PLOD1: variants seen among roughly 807,000 people sequenced by gnomAD.
PLOD1 encodes the protein lysine hydroxylase.
Under a neutral mutation model 94.7 loss-of-function variants are expected in PLOD1, and 70 were observed. That is an observed-to-expected ratio of 0.74 (90% CI 0.61 to 0.90). The LOEUF is 0.90. Ranked by LOEUF, PLOD1 falls within the 40% of genes least tolerant of loss-of-function variation. PLOD1 has a pLI of 0.00. For synonymous variants in PLOD1, 417 were observed against 400.2 expected, an observed-to-expected ratio of 1.04 and a Z score of -0.50; for missense variants, 905 against 972.7, an observed-to-expected ratio of 0.93 and a Z score of 0.93.
intron 5 of PLOD1, among the ~76,000 whole-genome samples, chr1:11,953,148 C>T (rs1300258029): frequency 6.6e-6 from 1 of 152,020 alleles, no homozygotes; most frequent in African/African-American, 2.4e-5. Flanking sequence ...CTCTACCTCC[C>T]TGGTTCAAGC....
chr1:11,953,804 C>T (rs540881897), intron 5 of PLOD1, among the ~76,000 whole-genome samples: 11 of 151,580 alleles, frequency 7.3e-5, no homozygotes, highest in African/African-American at 2.7e-4. Context: ...AAAAAAAAAG[C>T]AATAATGATA....
At position 11,958,052 on chromosome 1, in the gene PLOD1, A is replaced by AG; in HGVS notation, c.843+113dup. 1 of 808,018 alleles carries AG rather than the reference A, an allele frequency of 1.2e-6. No homozygotes were observed. Among genetic ancestry groups the AG allele is most frequent in the Admixed American group, 1.9e-5 (1 of 51,744 alleles). 50.1% of individuals were successfully genotyped at this position (808,018 alleles called of 1,614,324 possible). On this transcript the variant is annotated intron_variant, in intron 8 of 18. Coordinates refer to ENST00000196061, the MANE Select transcript of PLOD1 (RefSeq NM_000302.4). This position sits in a 1 kb window ranked among gnomAD's most constrained non-coding sequence, Gnocchi z 4.3. ...CTCCATTGTCTTTGGTGGAAAGTGA[A>AG]GGGGTCACCTCCCTGCCTGGGGTTC... is the stretch of plus-strand genomic sequence containing the variant.
intron 1 of PLOD1, among the ~76,000 whole-genome samples, chr1:11,935,147 C>G (rs183514342): frequency 4.5e-4 from 69 of 152,354 alleles, no homozygotes; most frequent in Admixed American, 1.7e-3. Flanking sequence ...GCCCAGTGCT[C>G]ACTATGGGCC....
At position 11,957,015 on chromosome 1, in the gene PLOD1, G is replaced by T; in HGVS notation, c.741+1G>T. 1.2e-6 allele frequency: 2 copies of T among 1,603,228 alleles called. No individual in the cohort carries two copies. Among genetic ancestry groups the T allele is most frequent in the Non-Finnish European group, 8.5e-7 (1 of 1,170,166 alleles). On this transcript the variant is annotated splice_donor_variant, in intron 7 of 18. Transcript: ENST00000196061. LOFTEE classifies it high-confidence loss of function. The surrounding 1 kb of genome is among the most constrained non-coding windows in gnomAD (Gnocchi z 4.1). The stretch of plus-strand genomic sequence containing the variant: ...GATCCATGGCAACGGGCCAACCAAG[G>T]TAGGGGGTCCCCAGCCCCTGGGGAG...
chr1:11,964,326 GT>G, intron 12 of PLOD1, 26 bp downstream of exon 12: 7 of 1,530,722 alleles, frequency 4.6e-6, no homozygotes, highest in Admixed American at 1.8e-5. Context: ...GTGGGGGTGG[GT>G]GGGGGACACC....
At chr1:11,968,835 C>T (rs1645840743) in intron 16 of PLOD1, among the ~76,000 whole-genome samples, 2 of 139,732 alleles carry the variant, frequency 1.4e-5, no homozygotes, top group Non-Finnish European at 3.1e-5. Context: ...TCATTTTCTA[C>T]GTCCTTTTTT....
chr1:11,941,401 G>T (rs1645614251), intron 1 of PLOD1, among the ~76,000 whole-genome samples: 1 of 151,560 alleles, frequency 6.6e-6, no homozygotes, highest in African/African-American at 2.4e-5. Flanking sequence ...GCACAATCTT[G>T]GCTCACTGCA....
intron 14 of PLOD1, 70 bp from the exon 15 acceptor site, chr1:11,966,181 G>A (rs1423201123): frequency 8.9e-7 from 1 of 1,124,978 alleles, no homozygotes; most frequent in Non-Finnish European, 1.3e-6. Context: ...CACTTTGAGG[G>A]GTCTGCTCTG....
chr1:11,936,385 A>G (rs774440616), intron 1 of PLOD1, among the ~76,000 whole-genome samples: 1 of 151,048 alleles, frequency 6.6e-6, no homozygotes, highest in Admixed American at 6.6e-5. Flanking sequence ...AGTCCCAGCA[A>G]AGCCAAGCAG....
Position 11,975,236 on chromosome 1 carries a change from C to T in PLOD1, c.*428C>T, listed in dbSNP as rs1226361190. Reference sequence around the variant, plus strand: ...CCAGGCACAGGTGTTGCACCAGGGACTTCTGCTTCAAGTTTTGGGGTAAAG... The same window carrying T: ...CCAGGCACAGGTGTTGCACCAGGGATTTCTGCTTCAAGTTTTGGGGTAAAG... On this transcript the variant is annotated 3_prime_UTR_variant, in exon 19 of 19. Transcript: ENST00000196061. The T allele has an allele frequency of 7.3e-6, 2 of 274,378 alleles. No homozygotes were observed. Among genetic ancestry groups the T allele is most frequent in the Admixed American group, 4.8e-5 (1 of 20,900 alleles). 17.0% of individuals were successfully genotyped at this position (274,378 alleles called of 1,614,324 possible).
chr1:11,960,668 T>A lies in PLOD1; in HGVS notation c.998T>A (p.Val333Glu). 1 of 1,580,470 alleles carries A rather than the reference T, an allele frequency of 6.3e-7. No individual in the cohort carries two copies. Among genetic ancestry groups the A allele is most frequent in the Non-Finnish European group, 8.6e-7 (1 of 1,160,342 alleles). ...CAGGAGCAGCACCACAAGGCTCAGG[T>A]GGAAGAGTTCCTGGCACAGCATGGC... ...HNHEQHHKAQ[V>E]EEFLAQHGSE... Residue 333 changes from valine (V) to glutamate (E), a missense_variant, in exon 10 of 19, where the codon GTG (valine) becomes GAG (glutamate). By Grantham distance (121) the Val-to-Glu change is moderately radical (BLOSUM62 -2). Transcript: ENST00000196061.
intron 1 of PLOD1, among the ~76,000 whole-genome samples, chr1:11,941,985 CT>C (rs34636670): frequency 0.23 from 32,338 of 138,380 alleles, 4,669 homozygotes; most frequent in African/African-American, 0.44. Context: ...TGTGCCCGGC[CT>C]TTTTTTTTTT....
At chr1:11,952,419 A>T (rs1645709467) in intron 4 of PLOD1, among the ~76,000 whole-genome samples, 1 of 152,102 alleles carries the variant, frequency 6.6e-6, no homozygotes. Context: ...GTCATTAGGA[A>T]CTCATTAATA....
Position 11,934,814 on chromosome 1 carries a change from G to C in PLOD1, c.35G>C (p.Trp12Ser), listed in dbSNP as rs1258191484. Residue 12 changes from tryptophan to serine, a missense_variant, in exon 1 of 19, where the codon TGG (tryptophan) becomes TCG (serine). Trp to Ser is a radical substitution (Grantham distance 177). Transcript: ENST00000196061. The stretch of plus-strand genomic sequence containing the variant: ...CTGCTGCTACTGGCCCTGCTGGGCT[G>C]GCTGCTGCTGGCCGAAGCGAAGGGC... ...RPLLLLALLG[W>S]LLLAEAKGDA... is the part of the protein sequence containing the mutation. 6.5e-7 allele frequency: 1 copy of C among 1,540,984 alleles called. No individual in the cohort carries two copies. The highest frequency in any genetic ancestry group is 2.5e-5 in the East Asian group (1 of 40,672).
intron 2 of PLOD1, 50 bp downstream of exon 2, chr1:11,948,117 T>C (rs1645669838): frequency 8.0e-7 from 1 of 1,254,922 alleles, no homozygotes; most frequent in South Asian, 1.2e-5. Context: ...GGCAGGAGGA[T>C]CTAGGAGCTA....
chr1:11,939,064 C>T (rs1289071475), intron 1 of PLOD1, among the ~76,000 whole-genome samples: 1 of 152,196 alleles, frequency 6.6e-6, no homozygotes, highest in Non-Finnish European at 1.5e-5. Context: ...AGCAGATCTC[C>T]AGCTCCTGCC....
rs771171842 is a variant in PLOD1 at position 11,966,271 on chromosome 1, C to T, written c.1605C>T (p.Ile535=). The T allele has an allele frequency of 5.0e-6, 8 of 1,607,404 alleles. No homozygotes were observed. In the South Asian group the frequency reaches 5.6e-5, roughly 11 times the overall value. ...CACAGGACTGGAAGGAGAAGTACAT[C>T]CACCAGAACTACACCAAAGCCCTGG... is the stretch of plus-strand genomic sequence containing the variant. ...SNPEDWKEKY[I]HQNYTKALAG... The change falls in exon 15 of 19, where the codon ATC becomes ATT. Residue 535 remains isoleucine (I), a synonymous_variant. Transcript: ENST00000196061.
intron 16 of PLOD1, among the ~76,000 whole-genome samples, chr1:11,969,981 C>T (rs1405712701): frequency 6.6e-6 from 1 of 151,768 alleles, no homozygotes; most frequent in Non-Finnish European, 1.5e-5. Flanking sequence ...TGGCTCACGC[C>T]TGTAATCCCA....
chr1:11,938,262 G>A (rs1204230314), intron 1 of PLOD1, among the ~76,000 whole-genome samples: 1 of 152,120 alleles, frequency 6.6e-6, no homozygotes, highest in Non-Finnish European at 1.5e-5. Flanking sequence ...GGATCCCTTT[G>A]CTAAGTAAGA....
Sources: gnomAD v4.1 joint callset for allele counts (sites outside exome capture counted in the v4.1 genomes callset) on GRCh38, gnomAD v4.1.1 for gene constraint, Gnocchi (gnomAD v3.1) non-coding constraint, MANE v1.5 for transcripts, NCBI Gene and HGNC (gene_info 2026-07-23, HGNC 2026-07-21) for gene names.